Variants in PRR15L observed in about 807,000 individuals in gnomAD.
PRR15L encodes the protein proline-rich protein 15-like protein.
Under a neutral mutation model 3.7 loss-of-function variants are expected in PRR15L, and 1 was observed. The ratio of observed to expected loss-of-function variants is 0.27; its 90% CI spans 0.09 to 1.27. PRR15L has a LOEUF of 1.27. Among genes scored for constraint, PRR15L ranks in the 50% most tolerant of loss-of-function variants. PRR15L has a pLI of 0.47. For missense variants in PRR15L, 127 were observed against 128.7 expected (o/e 0.99, Z 0.06); for synonymous variants, 57 against 51.9 (o/e 1.10, Z -0.42).
intron 1 of PRR15L, among the ~76,000 whole-genome samples, chr17:47,957,006 G>A (rs1045974465): frequency 6.6e-6 from 1 of 152,266 alleles, no homozygotes; most frequent in Admixed American, 6.5e-5. Context: ...GAGGATGCCA[G>A]CTTCACCTCT....
Position 47,953,272 on chromosome 17 carries a change from GCA to G in PRR15L, c.-29-11_-29-10del. On this transcript the variant is annotated splice_polypyrimidine_tract_variant and intron_variant, in intron 1 of 1. Coordinates refer to ENST00000300557, the MANE Select transcript of PRR15L (RefSeq NM_024320.4). ...GCCAAGGATGGGGCTTTCTGCTGGA[GCA>G]GGGTGGGGGAGACAAAGGGGTCAGT... The G allele has an allele frequency of 6.8e-7, 1 of 1,470,334 alleles. No homozygotes were observed. Among genetic ancestry groups the G allele is most frequent in the Non-Finnish European group, 9.1e-7 (1 of 1,097,100 alleles). The allele number at this position is 1,470,334 out of a possible 1,614,324, so 91.1% of individuals were successfully genotyped here.
intron 1 of PRR15L, among the ~76,000 whole-genome samples, chr17:47,956,249 G>A (rs1292216954): frequency 1.3e-5 from 2 of 152,208 alleles, no homozygotes; most frequent in African/African-American, 2.4e-5. Context: ...GATTGCTTGA[G>A]GCCAGGAGTT....
chr17:47,952,992 TTTC>T lies in PRR15L; in HGVS notation c.240_242del (p.Lys81del). ...GGTTCTCTGCCAGCGTGGCTCTCAC[TTTC>T]TTCTTCTCCTTGAAGCGTCCTGAGT... On this transcript the variant is annotated inframe_deletion, in exon 2 of 2. Coordinates refer to ENST00000300557, the MANE Select transcript of PRR15L (RefSeq NM_024320.4). 2 of 1,614,150 alleles carry T rather than the reference TTTC, an allele frequency of 1.2e-6. No homozygotes were observed. The highest frequency in any genetic ancestry group is 1.7e-6 in the Non-Finnish European group (2 of 1,180,040).
chr17:47,952,038 G>A lies in PRR15L; in HGVS notation c.*885C>T, dbSNP rs2036071176. 1.3e-5 allele frequency: 2 copies of A among 152,166 alleles called. No homozygotes were observed. The highest frequency in any genetic ancestry group is 2.4e-5 in the African/African-American group (1 of 41,428). The allele number at this position is 152,166 out of a possible 1,614,324, so 9.4% of individuals were successfully genotyped here. ...ATGAGAAACAGTCATCTCAATAAAT[G>A]CAAGACATGAGCATAAAAGAGGTTC... On this transcript the variant is annotated 3_prime_UTR_variant, in exon 2 of 2. Coordinates refer to ENST00000300557, the MANE Select transcript of PRR15L (RefSeq NM_024320.4).
intron 1 of PRR15L, among the ~76,000 whole-genome samples, chr17:47,957,177 G>A (rs2036139466): frequency 6.6e-6 from 1 of 152,252 alleles, no homozygotes; most frequent in African/African-American, 2.4e-5. Flanking sequence ...TGCCCAGACT[G>A]AGCCAGGCCC....
Position 47,952,204 on chromosome 17 carries a change from A to C in PRR15L, c.*719T>G, listed in dbSNP as rs2036073484. 6.6e-6 allele frequency: 1 copy of C among 151,958 alleles called. No homozygotes were observed. Among genetic ancestry groups the C allele is most frequent in the Non-Finnish European group, 1.5e-5 (1 of 67,960 alleles). 9.4% of individuals were successfully genotyped at this position (151,958 alleles called of 1,614,324 possible). ...GGAAAGGGAGAGGAGAAAATTCCCC[A>C]CCCACTCCCCCGATTTGGCCCGTGT... On this transcript the variant is annotated 3_prime_UTR_variant, in exon 2 of 2. Transcript: ENST00000300557.
chr17:47,953,312 T>C lies in PRR15L; in HGVS notation c.-29-49A>G, dbSNP rs574055210. 1.8e-5 allele frequency: 20 copies of C among 1,132,178 alleles called. No homozygotes were observed. The East Asian group carries it at 4.5e-4, about 26-fold the overall frequency. The allele number at this position is 1,132,178 out of a possible 1,614,324, so 70.1% of individuals were successfully genotyped here. A position where few individuals can be genotyped will look rare whatever the true frequency, so the allele number is the denominator to read the frequency against. On this transcript the variant is annotated intron_variant, in intron 1 of 1. Transcript: ENST00000300557. ...CAAAGGGGTCAGTGGGAAAAGGGGG[T>C]GGGTGCCTTTGGACCAGCTTGCTGC... is the stretch of plus-strand genomic sequence containing the variant.
chr17:47,952,855 G>A lies in PRR15L; in HGVS notation c.*68C>T, dbSNP rs1017533037. On this transcript the variant is annotated 3_prime_UTR_variant, in exon 2 of 2. Coordinates refer to ENST00000300557, the MANE Select transcript of PRR15L (RefSeq NM_024320.4). The stretch of plus-strand genomic sequence containing the variant: ...CAGCTATGGCCAAAGAGGCCAGCGT[G>A]GCAAGGTCCTGTCTCAGATCTGGCT... 2.0e-6 allele frequency: 3 copies of A among 1,485,422 alleles called. No homozygotes were observed. In the African/African-American group the frequency reaches 4.2e-5, roughly 21 times the overall value. 92.0% of individuals were successfully genotyped at this position (1,485,422 alleles called of 1,614,324 possible).
chr17:47,954,663 G>A (rs973481978), intron 1 of PRR15L, among the ~76,000 whole-genome samples: 1 of 152,202 alleles, frequency 6.6e-6, no homozygotes, highest in African/African-American at 2.4e-5. Flanking sequence ...ATCATTGATT[G>A]CTGGGGTATG....
chr17:47,952,967 G>A lies in PRR15L; in HGVS notation c.268C>T (p.Pro90Ser). 1.2e-6 allele frequency: 2 copies of A among 1,614,088 alleles called. No homozygotes were observed. The highest frequency in any genetic ancestry group is 2.2e-5 in the South Asian group (2 of 91,078). ...KKVRATLAEN[P>S]NLFDDHEEGR... The stretch of plus-strand genomic sequence containing the variant: ...TCCTCGTGATCATCAAAGAGGTTAG[G>A]GTTCTCTGCCAGCGTGGCTCTCACT... Residue 90 changes from proline (P) to serine (S), a missense_variant, in exon 2 of 2, where the codon CCT becomes TCT. Physicochemically the swap from Pro to Ser is moderately conservative, Grantham distance 74. Transcript: ENST00000300557.
rs377077494 is a variant in PRR15L at position 47,952,882 on chromosome 17, A to G, written c.*41T>C. On this transcript the variant is annotated 3_prime_UTR_variant, in exon 2 of 2. Transcript: ENST00000300557. ...CAAGGTCCTGTCTCAGATCTGGCTG[A>G]TGGCAGGGAGCCAAGAGGTGCTAGC... is the stretch of plus-strand genomic sequence containing the variant. 1.9e-6 allele frequency: 3 copies of G among 1,561,070 alleles called. No homozygotes were observed. In the African/African-American group the frequency reaches 4.1e-5, roughly 21 times the overall value.
In PRR15L at chr17:47,953,024, A is replaced by C; in HGVS notation, c.211T>G (p.Ser71Ala). The C allele has an allele frequency of 2.5e-5, 41 of 1,614,112 alleles. No homozygotes were observed. Among genetic ancestry groups the C allele is most frequent in the Non-Finnish European group, 3.4e-5 (40 of 1,180,032 alleles). ...TTCTCCTTGAAGCGTCCTGAGTTGGAGACCTTGACGTGCTTGCCCTTTGTG... is the reference window on the plus strand; with the variant it reads ...TTCTCCTTGAAGCGTCCTGAGTTGGCGACCTTGACGTGCTTGCCCTTTGTG... ...KSTKGKHVKV[S>A]NSGRFKEKKK... Residue 71 changes from serine to alanine, a missense_variant, in exon 2 of 2, where the codon TCC (serine) becomes GCC (alanine). By Grantham distance (99) the Ser-to-Ala change is moderately conservative. Transcript: ENST00000300557.
intron 1 of PRR15L, among the ~76,000 whole-genome samples, chr17:47,953,488 G>A (rs925489920): frequency 2.6e-5 from 4 of 151,910 alleles, no homozygotes; most frequent in African/African-American, 9.7e-5. Context: ...GTGAAATCCC[G>A]GCTCTACTAA....
chr17:47,956,683 A>C (rs1435524358), intron 1 of PRR15L, among the ~76,000 whole-genome samples: 2 of 152,244 alleles, frequency 1.3e-5, no homozygotes, highest in Non-Finnish European at 2.9e-5. Context: ...AATAGTCATC[A>C]TAAAAGATAG....
intron 1 of PRR15L, among the ~76,000 whole-genome samples, chr17:47,955,149 G>A (rs943666380): frequency 1.1e-4 from 17 of 151,948 alleles, no homozygotes; most frequent in East Asian, 9.7e-4. Flanking sequence ...GGCTGGTCTC[G>A]AACTCCTGAC....
chr17:47,952,962 G>A lies in PRR15L; in HGVS notation c.273C>T (p.Asn91=). ...GTCCTTCCTCGTGATCATCAAAGAG[G>A]TTAGGGTTCTCTGCCAGCGTGGCTC... ...KVRATLAENP[N]LFDDHEEGRS... is the part of the protein sequence containing the mutation. Residue 91 remains asparagine, a synonymous_variant, in exon 2 of 2, where the codon AAC becomes AAT. Transcript: ENST00000300557. The A allele has an allele frequency of 6.2e-7, 1 of 1,614,094 alleles. No individual in the cohort carries two copies. The highest frequency in any genetic ancestry group is 8.5e-7 in the Non-Finnish European group (1 of 1,180,006).
intron 1 of PRR15L, among the ~76,000 whole-genome samples, chr17:47,954,895 G>T (rs1425350770): frequency 1.3e-5 from 2 of 151,474 alleles, no homozygotes; most frequent in Non-Finnish European, 2.9e-5. Context: ...TTTTGAAAAA[G>T]ACCAGAAAGA....
rs756483456 is a variant in PRR15L, at chr17:47,953,140, T to G, written c.95A>C (p.Gln32Pro). 1.9e-6 allele frequency: 3 copies of G among 1,613,988 alleles called. No homozygotes were observed. The African/African-American group carries it at 4.0e-5, about 22-fold the overall frequency. ...CGGGGGTTCTGCATCTCCCTCTGTT[T>G]GGGCATAGGTGTCAGGGATCTCATA... ...VLYEIPDTYA[Q>P]TEGDAEPPRP... The change falls in exon 2 of 2, where the codon CAA becomes CCA. Residue 32 changes from glutamine to proline, a missense_variant. Coordinates refer to ENST00000300557, the MANE Select transcript of PRR15L (RefSeq NM_024320.4).
rs1007565323 is a variant in PRR15L at position 47,953,095 on chromosome 17, G to A, written c.140C>T (p.Pro47Leu). The change falls in exon 2 of 2, where the codon CCC (proline) becomes CTC (leucine). Residue 47 changes from proline (P) to leucine (L), a missense_variant. Pro to Leu is a moderately conservative substitution (Grantham distance 98, BLOSUM62 -3). Transcript: ENST00000300557. ...AEPPRPDAGG[P>L]NSDFNTRLEK... ...CAGGCGGGTGTTAAAGTCGCTGTTG[G>A]GGCCTCCAGCGTCAGGCCTCGGGGG... 6.2e-7 allele frequency: 1 copy of A among 1,614,008 alleles called. No individual in the cohort carries two copies. Among genetic ancestry groups the A allele is most frequent in the Non-Finnish European group, 8.5e-7 (1 of 1,180,034 alleles).
Sources: gnomAD v4.1 joint callset for allele counts (sites outside exome capture counted in the v4.1 genomes callset) on GRCh38, gnomAD v4.1.1 for gene constraint, MANE v1.5 for transcripts, NCBI Gene and HGNC (gene_info 2026-07-23, HGNC 2026-07-21) for gene names.